Variants in SEMA5B observed in about 807,000 individuals in gnomAD.
The protein encoded by SEMA5B is semaphorin 5B.
SEMA5B carries 66 observed loss-of-function variants against 135.0 expected under a neutral mutation model. That is an observed-to-expected ratio of 0.49 (90% CI 0.40 to 0.60). SEMA5B has a LOEUF of 0.60. Among genes scored for constraint, SEMA5B ranks in the 20% least tolerant of loss-of-function variants. The pLI, the probability that SEMA5B is intolerant of heterozygous loss-of-function variation, is 0.00. For synonymous variants in SEMA5B, 690 were observed against 639.5 expected, an observed-to-expected ratio of 1.08 and a Z score of -1.19; for missense variants, 1,501 against 1,566.3, an observed-to-expected ratio of 0.96 and a Z score of 0.70.
chr3:122,927,060 C>A (rs569116631), intron 8 of SEMA5B, among the ~76,000 whole-genome samples: 1 of 152,184 alleles, frequency 6.6e-6, no homozygotes, highest in Non-Finnish European at 1.5e-5. Context: ...CAAAAGTAAT[C>A]GCAATTTTCA....
At chr3:123,002,625 G>A (rs1942206761) in intron 1 of SEMA5B, among the ~76,000 whole-genome samples, 1 of 152,254 alleles carries the variant, frequency 6.6e-6, no homozygotes, top group East Asian at 1.9e-4. Context: ...TGGGAGGCAG[G>A]GGCAGTCCCC....
intron 1 of SEMA5B, among the ~76,000 whole-genome samples, chr3:123,002,095 G>T (rs1279245237): frequency 1.3e-5 from 2 of 152,206 alleles, no homozygotes; most frequent in African/African-American, 4.8e-5. Context: ...GCCCCAGTGA[G>T]CACAAGGATG....
Position 122,913,543 on chromosome 3 carries a change from G to A in SEMA5B, c.2271C>T (p.Gly757=), listed in dbSNP as rs747324216. 20 of 1,611,824 alleles carry A rather than the reference G, an allele frequency of 1.2e-5. No individual in the cohort carries two copies. In the African/African-American group the frequency reaches 2.7e-4, roughly 22 times the overall value. Residue 757 remains glycine, a synonymous_variant, in exon 16 of 23, where the codon GGC becomes GGT. Coordinates refer to ENST00000357599, the MANE Select transcript of SEMA5B (RefSeq NM_001031702.4). ...RACENGNSCL[G]CGVEFKTCNP... ...CGGCCCCAACCCTCACCACGCCGCA[G>A]CCCAGGCAGGAGTTGCCGTTCTCGC...
In SEMA5B at chr3:123,016,583, A is replaced by AT. The variant is rs1221460118; in HGVS notation, c.-39+10880dup. On this transcript the variant is annotated intron_variant, in intron 1 of 22. Coordinates refer to ENST00000357599, the MANE Select transcript of SEMA5B (RefSeq NM_001031702.4). ...ACATTTAAAAATTTAATTTAATTTA[A>AT]TTTTTTTTAGAGACAGGATCTCATT... Among the ~76,000 whole-genome samples, 12 of 152,016 alleles carry AT rather than the reference A, an allele frequency of 7.9e-5. No homozygotes were observed. In the East Asian group the frequency reaches 1.4e-3, roughly 17 times the overall value.
rs139670119 is a variant in SEMA5B, at chr3:122,981,528, C to T, written c.-38-20227G>A. ...GCCTATGAGAGTCAGATCTAACTTC[C>T]TACACTCACTTCCTACTCTCTTTCC... On this transcript the variant is annotated intron_variant, in intron 1 of 22. Transcript: ENST00000357599. Among the ~76,000 whole-genome samples the T allele has an allele frequency of 3.9e-5, 6 of 152,324 alleles. No individual in the cohort carries two copies. In the East Asian group the frequency reaches 9.6e-4, roughly 24 times the overall value.
At position 122,939,435 on chromosome 3, in the gene SEMA5B, G is replaced by A. The variant is rs750540710; in HGVS notation, c.464C>T (p.Ser155Phe). The change falls in exon 5 of 23, where the codon TCT (serine) becomes TTT (phenylalanine). Residue 155 changes from serine (S) to phenylalanine (F), a missense_variant. Around this residue, in one of 2 missense-constraint regions of SEMA5B, gnomAD observed 574 missense variants for 684.7 expected, o/e 0.84. Coordinates refer to ENST00000357599, the MANE Select transcript of SEMA5B (RefSeq NM_001031702.4). ...AGAAAGCAATCGTACCTGAAGAAGA[G>A]AGACATTGGCAAGGCTGAGTCTGAA... ...YLFRLSLANV[S>F]LLQATEWASS... The A allele has an allele frequency of 6.2e-7, 1 of 1,611,600 alleles. No individual in the cohort carries two copies. The highest frequency in any genetic ancestry group is 2.2e-5 in the East Asian group (1 of 44,874).
chr3:122,941,241 T>C (rs1939544325), intron 4 of SEMA5B, among the ~76,000 whole-genome samples: 1 of 152,220 alleles, frequency 6.6e-6, no homozygotes, highest in Admixed American at 6.5e-5. Context: ...ACATTGGCTC[T>C]AAGAAGCCTA....
At chr3:122,915,945 A>G in intron 12 of SEMA5B, 55 bp from the exon 13 acceptor site, 1 of 1,367,022 alleles carries the variant, frequency 7.3e-7, no homozygotes. Context: ...CCTCACCTGC[A>G]TCTCAGGAAC....
chr3:122,923,651 C>T lies in SEMA5B; in HGVS notation c.1238G>A (p.Trp413Ter). Residue 413 changes from tryptophan (W) to a stop codon, truncating the protein, a stop_gained, in exon 10 of 23, where the codon TGG becomes TAG. Coordinates refer to ENST00000357599, the MANE Select transcript of SEMA5B (RefSeq NM_001031702.4). LOFTEE classifies it high-confidence loss of function. The part of the protein sequence containing the change: ...FRYQENPRAA[W>*]LPIANPIPNF... ...GGGGATGGGGTTGGCTATGGGGAGCCAGGCAGCCCTGGGGTTCTCCTGGTA... is the reference window on the plus strand; with the variant it reads ...GGGGATGGGGTTGGCTATGGGGAGCTAGGCAGCCCTGGGGTTCTCCTGGTA... The T allele has an allele frequency of 6.2e-7, 1 of 1,614,132 alleles. No homozygotes were observed. The highest frequency in any genetic ancestry group is 8.5e-7 in the Non-Finnish European group (1 of 1,180,000).
At chr3:123,020,916 G>A (rs1272296388) in intron 1 of SEMA5B, among the ~76,000 whole-genome samples, 1 of 152,254 alleles carries the variant, frequency 6.6e-6, no homozygotes, top group Non-Finnish European at 1.5e-5. Flanking sequence ...CAGCAGGAAA[G>A]TGAGGAAAGT....
chr3:122,938,394 G>A (rs1327114597), intron 5 of SEMA5B, among the ~76,000 whole-genome samples: 2 of 152,086 alleles, frequency 1.3e-5, no homozygotes, highest in South Asian at 2.1e-4. Context: ...CTTCCAATGG[G>A]CACAGATTTT....
At chr3:122,956,042 G>A (rs901144262) in intron 2 of SEMA5B, among the ~76,000 whole-genome samples, 13 of 152,214 alleles carry the variant, frequency 8.5e-5, no homozygotes, top group South Asian at 2.1e-4. Context: ...CCATGGCCCC[G>A]GGTCTGGATG....
At chr3:123,026,100 C>T (rs1364977232) in intron 1 of SEMA5B, among the ~76,000 whole-genome samples, 1 of 152,034 alleles carries the variant, frequency 6.6e-6, no homozygotes, top group African/African-American at 2.4e-5. Flanking sequence ...GCCCCGAGGC[C>T]GAAGTGGGTT....
chr3:123,022,915 G>T (rs1942720468), intron 1 of SEMA5B, among the ~76,000 whole-genome samples: 1 of 152,202 alleles, frequency 6.6e-6, no homozygotes, highest in African/African-American at 2.4e-5. Context: ...ATTCAAGCTG[G>T]TTATAAAGGA....
In SEMA5B at chr3:122,909,898, G is replaced by A; in HGVS notation, c.*245C>T. The A allele has an allele frequency of 2.1e-6, 1 of 482,362 alleles. No homozygotes were observed. The highest frequency in any genetic ancestry group is 3.7e-6 in the Non-Finnish European group (1 of 270,458). 29.9% of individuals were successfully genotyped at this position (482,362 alleles called of 1,614,324 possible). On this transcript the variant is annotated 3_prime_UTR_variant, in exon 23 of 23. Transcript: ENST00000357599. ...CATAGTGTCAGCGTGACAGTGGGTT[G>A]GAAGATAACCATGAGAGACCTGGGC...
At chr3:122,922,200 AC>A in intron 11 of SEMA5B, 39 bp downstream of exon 11, 2 of 1,583,760 alleles carry the variant, frequency 1.3e-6, no homozygotes, top group Non-Finnish European at 8.6e-7. Flanking sequence ...CCCTCAACCC[AC>A]CCCCGACCTG....
At chr3:123,001,662 G>A (rs1942177976) in intron 1 of SEMA5B, among the ~76,000 whole-genome samples, 2 of 152,158 alleles carry the variant, frequency 1.3e-5, no homozygotes, top group South Asian at 4.1e-4. Flanking sequence ...GACAACATGA[G>A]CTAAGTTCAT....
At chr3:122,929,876 C>G (rs962147331) in intron 5 of SEMA5B, among the ~76,000 whole-genome samples, 1 of 152,206 alleles carries the variant, frequency 6.6e-6, no homozygotes, top group Non-Finnish European at 1.5e-5. Flanking sequence ...AACCCAGGAT[C>G]TCTTCTTCCC....
intron 2 of SEMA5B, among the ~76,000 whole-genome samples, chr3:122,949,469 C>G (rs1258549294): frequency 6.6e-6 from 1 of 152,236 alleles, no homozygotes. Context: ...TGCCCTTGCT[C>G]ATTCCTAGGC....
Sources: gnomAD v4.1 joint callset for allele counts (sites outside exome capture counted in the v4.1 genomes callset) on GRCh38, gnomAD v4.1.1 for gene constraint, gnomAD v4.1.1 regional missense constraint, MANE v1.5 for transcripts, NCBI Gene and HGNC (gene_info 2026-07-23, HGNC 2026-07-21) for gene names.